PDE4D: variants seen among roughly 807,000 people sequenced by gnomAD.
The protein encoded by PDE4D is phosphodiesterase 4D.
A neutral mutation model predicts 87.4 loss-of-function variants in PDE4D; 24 were observed. The observed-to-expected ratio is 0.27, with a 90% CI of 0.20 to 0.39. The LOEUF is 0.39. Among genes scored for constraint, PDE4D ranks in the 10% least tolerant of loss-of-function variants. PDE4D has a pLI of 1.00. For synonymous variants in PDE4D, 384 were observed against 383.2 expected, an observed-to-expected ratio of 1.00 and a Z score of -0.02; for missense variants, 714 against 1,041.0, an observed-to-expected ratio of 0.69 and a Z score of 4.32.
At chr5:59,200,847 T>C (rs1417669260) in intron 2 of PDE4D, among the ~76,000 whole-genome samples, 1 of 151,986 alleles carries the variant, frequency 6.6e-6, no homozygotes, top group Non-Finnish European at 1.5e-5. Flanking sequence ...TCCCACTGCA[T>C]GTATGTGAGC....
At chr5:59,206,487 A>G (rs1375298347) in intron 2 of PDE4D, among the ~76,000 whole-genome samples, 2 of 152,232 alleles carry the variant, frequency 1.3e-5, no homozygotes, top group African/African-American at 4.8e-5. Flanking sequence ...GACATTGAGA[A>G]CAATTCATTA....
At chr5:60,133,710 C>G (rs1285725905) in intron 2 of PDE4D, among the ~76,000 whole-genome samples, 1 of 152,182 alleles carries the variant, frequency 6.6e-6, no homozygotes, top group Non-Finnish European at 1.5e-5. Context: ...TAGATCACTA[C>G]TTTGTGAGAA....
intron 5 of PDE4D, among the ~76,000 whole-genome samples, chr5:59,161,564 G>T (rs952905189): frequency 2.6e-5 from 4 of 152,154 alleles, no homozygotes; most frequent in Non-Finnish European, 4.4e-5. Context: ...TCAGACTTAA[G>T]GTCTGTGGTG....
intron 1 of PDE4D, among the ~76,000 whole-genome samples, chr5:60,423,660 CA>C (rs1174172678): frequency 2.0e-5 from 3 of 151,992 alleles, no homozygotes; most frequent in Admixed American, 6.5e-5. Context: ...CAAACAAATT[CA>C]AAAGCTAGCA....
At chr5:59,485,357 TA>T (rs1377336358) in intron 1 of PDE4D, among the ~76,000 whole-genome samples, 3 of 152,128 alleles carry the variant, frequency 2.0e-5, no homozygotes, top group African/African-American at 7.2e-5. Flanking sequence ...TAGAAATGAT[TA>T]ACACAGAGAC....
intron 3 of PDE4D, among the ~76,000 whole-genome samples, chr5:59,965,811 C>T (rs868492504): frequency 6.6e-6 from 1 of 152,286 alleles, no homozygotes; most frequent in Middle Eastern, 3.4e-3. Flanking sequence ...GTTGACTCTG[C>T]AGGCCGAATG....
intron 1 of PDE4D, among the ~76,000 whole-genome samples, chr5:59,742,474 C>A (rs981046887): frequency 3.3e-5 from 5 of 152,302 alleles, no homozygotes; most frequent in African/African-American, 9.6e-5. Context: ...TCCTATTTAG[C>A]AAGTGAGAAA....
intron 2 of PDE4D, among the ~76,000 whole-genome samples, chr5:60,177,859 A>T (rs961509732): frequency 6.6e-6 from 1 of 152,176 alleles, no homozygotes. Context: ...CCACAAGATA[A>T]TTTAATGAAT....
chr5:59,628,794 G>C (rs1831206073), intron 1 of PDE4D, among the ~76,000 whole-genome samples: 1 of 152,140 alleles, frequency 6.6e-6, no homozygotes, highest in African/African-American at 2.4e-5. Context: ...TCTTAGAAAA[G>C]GTAGTTGTAT....
At chr5:59,288,412 GA>G (rs1229106119) in intron 1 of PDE4D, among the ~76,000 whole-genome samples, 2 of 150,888 alleles carry the variant, frequency 1.3e-5, no homozygotes, top group Non-Finnish European at 3.0e-5. Context: ...GAAGACAAAA[GA>G]AAAAATAATA....
chr5:60,353,791 C>T (rs764078935), intron 1 of PDE4D, among the ~76,000 whole-genome samples: 9 of 152,126 alleles, frequency 5.9e-5, no homozygotes, highest in Admixed American at 2.6e-4. Context: ...GTGCCAAATA[C>T]TTTATATGCA....
chr5:59,776,015 T>C (rs1307388440), intron 1 of PDE4D, among the ~76,000 whole-genome samples: 1 of 152,202 alleles, frequency 6.6e-6, no homozygotes, highest in African/African-American at 2.4e-5. Context: ...AACATGTCTA[T>C]AATTCATAGA....
chr5:58,974,027 T>C lies in PDE4D; in HGVS notation c.*637A>G, dbSNP rs1011528675. ...CCAGTGGCAGATGAAGTTCTGAACA[T>C]AGTTTTTTTTAAATATAATACCTCA... On this transcript the variant is annotated 3_prime_UTR_variant, in exon 15 of 15. Transcript: ENST00000340635. The C allele has an allele frequency of 6.6e-6, 1 of 152,630 alleles. No individual in the cohort carries two copies. Among genetic ancestry groups the C allele is most frequent in the African/African-American group, 2.4e-5 (1 of 41,454 alleles). The allele number at this position is 152,630 out of a possible 1,614,324, so 9.5% of individuals were successfully genotyped here. A position where few individuals can be genotyped will look rare whatever the true frequency, so the allele number is the denominator to read the frequency against.
chr5:60,455,486 T>C (rs1474306340), intron 1 of PDE4D, among the ~76,000 whole-genome samples: 1 of 152,028 alleles, frequency 6.6e-6, no homozygotes, highest in African/African-American at 2.4e-5. Flanking sequence ...GGAGAAAGGA[T>C]AAAATAAGCC....
chr5:60,376,383 C>T (rs1296455894), intron 1 of PDE4D, among the ~76,000 whole-genome samples: 1 of 152,152 alleles, frequency 6.6e-6, no homozygotes, highest in Non-Finnish European at 1.5e-5. Context: ...TAAGACTAAG[C>T]CCAAACATTG....
At chr5:59,864,683 T>C (rs947642631) in intron 1 of PDE4D, among the ~76,000 whole-genome samples, 10 of 152,186 alleles carry the variant, frequency 6.6e-5, no homozygotes, top group African/African-American at 2.2e-4. Flanking sequence ...TGTTATTTCC[T>C]GTGTAGCTCT....
intron 1 of PDE4D, among the ~76,000 whole-genome samples, chr5:60,269,718 A>G (rs1750615403): frequency 1.3e-5 from 2 of 151,756 alleles, no homozygotes; most frequent in Admixed American, 1.3e-4. Context: ...CTTACCACAA[A>G]AAAGTTATAC....
intron 1 of PDE4D, among the ~76,000 whole-genome samples, chr5:59,495,200 G>C (rs538522872): frequency 2.6e-5 from 4 of 152,200 alleles, no homozygotes; most frequent in South Asian, 4.1e-4. Flanking sequence ...GCTTTCTCCT[G>C]ATGGCACACT....
intron 1 of PDE4D, among the ~76,000 whole-genome samples, chr5:59,595,502 T>C (rs2153704646): frequency 6.6e-6 from 1 of 152,282 alleles, no homozygotes; most frequent in East Asian, 1.9e-4. Context: ...TTTATGTTGT[T>C]GTAAGAATAT....
Sources: gnomAD v4.1 joint callset for allele counts (sites outside exome capture counted in the v4.1 genomes callset) on GRCh38, gnomAD v4.1.1 for gene constraint, MANE v1.5 for transcripts, NCBI Gene and HGNC (gene_info 2026-07-23, HGNC 2026-07-21) for gene names.